The following NBAS variants were observed in gnomAD, a reference collection of about 807,000 sequenced individuals.
The protein encoded by NBAS is NBAS subunit of NRZ tethering complex.
Under a neutral mutation model 302.5 loss-of-function variants are expected in NBAS, and 219 were observed. That is an observed-to-expected ratio of 0.72 (90% CI 0.65 to 0.81). The LOEUF (loss-of-function observed/expected upper bound fraction) is 0.81. NBAS is among the 30% of genes least tolerant of loss of function. The pLI, the probability that NBAS is intolerant of heterozygous loss-of-function variation, is 0.00. For missense variants in NBAS, 2,932 were observed against 2,841.6 expected (o/e 1.03, Z -0.72); for synonymous variants, 1,118 against 1,021.6 (o/e 1.09, Z -1.80).
At chr2:15,459,503 C>CTTTTTTTTTTTTTTTTT (rs66914120) in intron 21 of NBAS, among the ~76,000 whole-genome samples, 57 of 141,368 alleles carry the variant, frequency 4.0e-4, no homozygotes, top group Middle Eastern at 7.5e-3. Context: ...AGCATTTTTT[C>CTTTTTTTTTTTTTTTTT]TTTTTTTTTG....
the NBAS span, among the ~76,000 whole-genome samples, chr2:14,906,509 C>A: frequency 6.6e-6 from 1 of 152,286 alleles, no homozygotes; most frequent in Admixed American, 6.5e-5. Context: ...AATTCAAAGG[C>A]ACACGCTGTT....
chr2:15,049,262 CCCTG>C, the NBAS span, among the ~76,000 whole-genome samples: 2 of 152,250 alleles, frequency 1.3e-5, no homozygotes. Flanking sequence ...TTCCTGGACT[CCCTG>C]AGTCAGGCTT....
At chr2:14,844,246 G>A in the NBAS span, among the ~76,000 whole-genome samples, 34 of 152,144 alleles carry the variant, frequency 2.2e-4, no homozygotes, top group Middle Eastern at 3.4e-3. Context: ...CAGAGTCATC[G>A]TGAGGGCCCT....
At chr2:15,472,897 T>G (rs1339532007) in intron 16 of NBAS, among the ~76,000 whole-genome samples, 1 of 152,232 alleles carries the variant, frequency 6.6e-6, no homozygotes, top group Non-Finnish European at 1.5e-5. Flanking sequence ...TTTAAATTAC[T>G]GTGTGATTTC....
intron 1 of NBAS, among the ~76,000 whole-genome samples, chr2:15,559,062 C>CA (rs70961421): frequency 0.055 from 2,776 of 50,336 alleles, 323 homozygotes; most frequent in African/African-American, 0.17. Flanking sequence ...GACCCTGCCT[C>CA]AAAAAAAAAA....
chr2:14,956,807 A>C, the NBAS span, among the ~76,000 whole-genome samples: 2 of 152,178 alleles, frequency 1.3e-5, no homozygotes, highest in African/African-American at 4.8e-5. Context: ...CGTGGGGATT[A>C]CAGGAACTAC....
chr2:15,026,932 G>A, the NBAS span, among the ~76,000 whole-genome samples: 4 of 152,120 alleles, frequency 2.6e-5, no homozygotes, highest in Non-Finnish European at 5.9e-5. Context: ...ACATATTTAT[G>A]AGTTCTCTAT....
the NBAS span, among the ~76,000 whole-genome samples, chr2:14,882,426 G>C: frequency 6.6e-6 from 1 of 152,134 alleles, no homozygotes; most frequent in Non-Finnish European, 1.5e-5. Context: ...GGAAAAGATA[G>C]GATTCTTCCC....
chr2:14,954,182 C>T, the NBAS span, among the ~76,000 whole-genome samples: 2 of 152,182 alleles, frequency 1.3e-5, no homozygotes, highest in Non-Finnish European at 2.9e-5. Flanking sequence ...TGAAAAAGTA[C>T]AAACAGAATG....
the NBAS span, among the ~76,000 whole-genome samples, chr2:15,077,530 G>A: frequency 1.3e-5 from 2 of 152,258 alleles, no homozygotes; most frequent in East Asian, 3.9e-4. Flanking sequence ...TTATTGTTCA[G>A]TTGGGAACAC....
the NBAS span, among the ~76,000 whole-genome samples, chr2:14,800,974 A>C: frequency 2.0e-5 from 3 of 151,924 alleles, no homozygotes; most frequent in African/African-American, 7.2e-5. Flanking sequence ...GGTTAGGAAA[A>C]GTATTGATTT....
chr2:15,297,625 C>T (rs1053633222), intron 40 of NBAS, among the ~76,000 whole-genome samples: 2 of 152,226 alleles, frequency 1.3e-5, no homozygotes, highest in Non-Finnish European at 1.5e-5. Context: ...GCCTCCCAGC[C>T]ATGCTTCCTG....
the NBAS span, among the ~76,000 whole-genome samples, chr2:14,958,078 C>G: frequency 6.6e-6 from 1 of 152,228 alleles, no homozygotes; most frequent in Non-Finnish European, 1.5e-5. Flanking sequence ...TGTCCTTTAA[C>G]TTGCCATGTG....
At chr2:15,224,706 T>C (rs1667085137) in intron 47 of NBAS, among the ~76,000 whole-genome samples, 1 of 152,206 alleles carries the variant, frequency 6.6e-6, no homozygotes, top group African/African-American at 2.4e-5. Flanking sequence ...GCTTTCTAGT[T>C]CGTCCCAGGC....
intron 44 of NBAS, among the ~76,000 whole-genome samples, chr2:15,245,816 G>A (rs1389245703): frequency 6.6e-6 from 1 of 152,144 alleles, no homozygotes; most frequent in Non-Finnish European, 1.5e-5. Context: ...AATATGTTAG[G>A]CTTTGCAGGC....
chr2:15,147,555 G>A, the NBAS span, among the ~76,000 whole-genome samples: 31 of 152,000 alleles, frequency 2.0e-4, no homozygotes, highest in South Asian at 1.5e-3. Context: ...TCGCACCATT[G>A]CACTCCAGCC....
the NBAS span, among the ~76,000 whole-genome samples, chr2:14,779,510 C>A: frequency 1.3e-5 from 2 of 152,174 alleles, no homozygotes; most frequent in African/African-American, 4.8e-5. Flanking sequence ...TGCAAACTGG[C>A]TCCTGGCTGT....
chr2:14,851,370 A>G, the NBAS span, among the ~76,000 whole-genome samples: 1 of 152,020 alleles, frequency 6.6e-6, no homozygotes, highest in South Asian at 2.1e-4. Flanking sequence ...CCCTCCCAAG[A>G]CTAAACCAGG....
the NBAS span, among the ~76,000 whole-genome samples, chr2:14,869,889 T>C: frequency 6.6e-6 from 1 of 152,318 alleles, no homozygotes; most frequent in East Asian, 1.9e-4. Context: ...GCTAATTCCT[T>C]TCCTTCCCTA....
Sources: gnomAD v4.1 joint callset for allele counts (sites outside exome capture counted in the v4.1 genomes callset) on GRCh38, gnomAD v4.1.1 for gene constraint, MANE v1.5 for transcripts, NCBI Gene and HGNC (gene_info 2026-07-23, HGNC 2026-07-21) for gene names.